TNFRSF10D: variants seen among roughly 807,000 people sequenced by gnomAD.
The protein encoded by TNFRSF10D is tumor necrosis factor receptor superfamily member 10D.
In TNFRSF10D, 28 loss-of-function variants were observed where a neutral mutation model predicts 42.1. The observed-to-expected ratio is 0.66, with a 90% CI of 0.49 to 0.91. The LOEUF (loss-of-function observed/expected upper bound fraction) is 0.91. Ranked by LOEUF, TNFRSF10D falls within the 40% of genes least tolerant of loss-of-function variation. TNFRSF10D has a pLI of 0.00. For synonymous variants in TNFRSF10D, 186 were observed against 189.4 expected (o/e 0.98, Z 0.15); for missense variants, 503 against 486.1 (o/e 1.03, Z -0.33).
rs945460064 is a variant in TNFRSF10D, at chr8:23,135,997, C to T, written c.*1873G>A. 1.1e-5 allele frequency: 5 copies of T among 438,208 alleles called. No homozygotes were observed. The highest frequency in any genetic ancestry group is 4.0e-5 in the African/African-American group (2 of 49,758). The allele number at this position is 438,208 out of a possible 1,614,324, so 27.1% of individuals were successfully genotyped here. ...TGGGAGAGGATGGAAGTGCGAAGAC[C>T]GGAAAGGCCATCCCCTCCTAAAACT... On this transcript the variant is annotated 3_prime_UTR_variant, in exon 9 of 9. Transcript: ENST00000312584.
intron 5 of TNFRSF10D, among the ~76,000 whole-genome samples, 188 bp from the exon 6 acceptor site, chr8:23,145,277 G>A (rs1365010907): frequency 1.3e-5 from 2 of 152,176 alleles, no homozygotes; most frequent in Non-Finnish European, 2.9e-5. Flanking sequence ...GGGAACTAGA[G>A]TAAAAACCAA....
Position 23,156,194 on chromosome 8 carries a change from AT to A in TNFRSF10D, c.151-1216del, listed in dbSNP as rs112438726. Among the ~76,000 whole-genome samples, 1,007 of 151,638 alleles carry A rather than the reference AT, an allele frequency of 6.6e-3. 3 individuals carry two copies. The highest frequency in any genetic ancestry group is 0.022 in the African/African-American group (901 of 41,116). The stretch of plus-strand genomic sequence containing the variant: ...CATCATGCCAACAGCTATTTTTCAA[AT>A]TTTTTTTGCATAGTTTTTGTAACTT... On this transcript the variant is annotated intron_variant, in intron 1 of 8. Coordinates refer to ENST00000312584, the MANE Select transcript of TNFRSF10D (RefSeq NM_003840.5).
intron 8 of TNFRSF10D, 51 bp downstream of exon 8, chr8:23,138,137 C>A: frequency 1.2e-6 from 2 of 1,612,700 alleles, no homozygotes; most frequent in Non-Finnish European, 8.5e-7. Context: ...AGTTAGGACA[C>A]CGTCCCTATT....
intron 1 of TNFRSF10D, among the ~76,000 whole-genome samples, chr8:23,157,939 A>C (rs996964000): frequency 1.3e-5 from 2 of 152,196 alleles, no homozygotes; most frequent in African/African-American, 4.8e-5. Flanking sequence ...TGCCAGAAAA[A>C]GGCAGTCTCC....
intron 1 of TNFRSF10D, among the ~76,000 whole-genome samples, chr8:23,162,070 C>A (rs1800374733): frequency 6.6e-6 from 1 of 152,178 alleles, no homozygotes; most frequent in South Asian, 2.1e-4. Context: ...GTGGCTTACC[C>A]ATGTAGTAAA....
intron 6 of TNFRSF10D, among the ~76,000 whole-genome samples, 187 bp downstream of exon 6, chr8:23,144,871 G>T (rs765037585): frequency 6.6e-6 from 1 of 152,160 alleles, no homozygotes; most frequent in Non-Finnish European, 1.5e-5. Flanking sequence ...GCTGCAGCAC[G>T]GCCTGCTGGT....
At position 23,136,823 on chromosome 8, in the gene TNFRSF10D, CT is replaced by C. The variant is rs1814338928; in HGVS notation, c.*1046del. ...AATATTTATTTATAAATAAATATGG[CT>C]ATATACCTCTAAAATTAACAAGTAA... On this transcript the variant is annotated 3_prime_UTR_variant, in exon 9 of 9. Transcript: ENST00000312584. The C allele has an allele frequency of 6.6e-6, 1 of 151,680 alleles. No individual in the cohort carries two copies. Among genetic ancestry groups the C allele is most frequent in the African/African-American group, 2.4e-5 (1 of 41,294 alleles). The allele number at this position is 151,680 out of a possible 1,614,324, so 9.4% of individuals were successfully genotyped here.
At chr8:23,143,070 G>C (rs890465806) in intron 7 of TNFRSF10D, among the ~76,000 whole-genome samples, 1 of 151,560 alleles carries the variant, frequency 6.6e-6, no homozygotes, top group Admixed American at 6.6e-5. Context: ...TCCGCCTCAC[G>C]GGTTCACGCC....
intron 2 of TNFRSF10D, among the ~76,000 whole-genome samples, chr8:23,153,378 A>G (rs1425693337): frequency 5.7e-3 from 864 of 152,132 alleles, no homozygotes; most frequent in African/African-American, 0.018. Flanking sequence ...ATGAGATTAT[A>G]TCAGACTAGA....
At chr8:23,151,873 C>G (rs1028510080) in intron 2 of TNFRSF10D, among the ~76,000 whole-genome samples, 5 of 152,104 alleles carry the variant, frequency 3.3e-5, no homozygotes, top group African/African-American at 1.2e-4. Flanking sequence ...CTAATTTGGT[C>G]TTGAGGTTTC....
chr8:23,161,753 T>G (rs1800370600), intron 1 of TNFRSF10D, among the ~76,000 whole-genome samples: 1 of 152,244 alleles, frequency 6.6e-6, no homozygotes, highest in Non-Finnish European at 1.5e-5. Flanking sequence ...GTAACAAGGG[T>G]GTAGGGATAC....
intron 1 of TNFRSF10D, among the ~76,000 whole-genome samples, chr8:23,160,046 C>T (rs1800343004): frequency 6.6e-6 from 1 of 152,110 alleles, no homozygotes; most frequent in Non-Finnish European, 1.5e-5. Context: ...TAGCCTTGCA[C>T]CAACACGGCC....
chr8:23,145,119 G>T, intron 5 of TNFRSF10D, 30 bp from the exon 6 acceptor site: 1 of 1,613,584 alleles, frequency 6.2e-7, no homozygotes, highest in Non-Finnish European at 8.5e-7. Flanking sequence ...CTGAGCAGGC[G>T]GGGAGGGGCC....
intron 2 of TNFRSF10D, among the ~76,000 whole-genome samples, chr8:23,149,016 C>G (rs951636341): frequency 1.3e-5 from 2 of 151,194 alleles, no homozygotes. Flanking sequence ...CAGTGAAACC[C>G]CATCTCTACT....
In TNFRSF10D at chr8:23,147,068, T is replaced by C. The variant is rs1321069577; in HGVS notation, c.375A>G (p.Gln125=). Residue 125 remains glutamine (Q), a synonymous_variant, in exon 4 of 9, where the codon CAA becomes CAG. Transcript: ENST00000312584. The part of the protein sequence containing the change: ...CLLCTVCKSG[Q]TNKSSCTTTR... The stretch of plus-strand genomic sequence containing the variant: ...TCGTGGTACAGGAACTTTTATTTGT[T>C]TGACCTGACAACAGAGCATAAGGTT... 1 of 1,613,500 alleles carries C rather than the reference T, an allele frequency of 6.2e-7. No individual in the cohort carries two copies. The highest frequency in any genetic ancestry group is 8.5e-7 in the Non-Finnish European group (1 of 1,179,570).
chr8:23,145,568 T>C (rs964403157), intron 5 of TNFRSF10D, 100 bp downstream of exon 5: 11 of 1,569,310 alleles, frequency 7.0e-6, no homozygotes, highest in East Asian at 2.2e-5. Context: ...CTGGAGACGC[T>C]TGGACCAGGG....
intron 1 of TNFRSF10D, among the ~76,000 whole-genome samples, chr8:23,158,922 G>A (rs563578799): frequency 1.3e-3 from 204 of 152,194 alleles, no homozygotes; most frequent in African/African-American, 4.7e-3. Flanking sequence ...CATGTCTACC[G>A]TCCTGCAGTG....
At chr8:23,138,963 C>T (rs1043934118) in intron 7 of TNFRSF10D, among the ~76,000 whole-genome samples, 1 of 152,144 alleles carries the variant, frequency 6.6e-6, no homozygotes, top group African/African-American at 2.4e-5. Flanking sequence ...CTAAGCACAG[C>T]TGAATATTGT....
intron 2 of TNFRSF10D, among the ~76,000 whole-genome samples, chr8:23,150,142 C>A (rs1477156645): frequency 6.6e-6 from 1 of 152,228 alleles, no homozygotes; most frequent in Non-Finnish European, 1.5e-5. Flanking sequence ...GACCCACCTC[C>A]ATAGATTCAG....
Sources: allele counts gnomAD v4.1 joint callset (sites outside exome capture counted in the v4.1 genomes callset), GRCh38; gene constraint gnomAD v4.1.1; transcripts MANE v1.5; gene names NCBI Gene and HGNC (gene_info 2026-07-23, HGNC 2026-07-21).